Variants in CACNA1D observed in about 807,000 individuals in gnomAD.
The protein encoded by CACNA1D is calcium voltage-gated channel subunit alpha1 D, also known as voltage-dependent L-type calcium channel subunit alpha-1D.
In CACNA1D, 55 loss-of-function variants were observed where a neutral mutation model predicts 257.1. The observed-to-expected ratio is 0.21, with a 90% CI of 0.17 to 0.27. The LOEUF is 0.27. Ranked by LOEUF, CACNA1D falls within the 10% of genes least tolerant of loss-of-function variation. CACNA1D has a pLI of 1.00. For missense variants in CACNA1D, 1,876 were observed against 2,784.0 expected, an observed-to-expected ratio of 0.67 and a Z score of 7.34; for synonymous variants, 980 against 1,014.9, an observed-to-expected ratio of 0.97 and a Z score of 0.65.
chr3:53,764,826 G>A (rs555262069), intron 30 of CACNA1D, among the ~76,000 whole-genome samples: 13 of 152,180 alleles, frequency 8.5e-5, no homozygotes, highest in Non-Finnish European at 1.9e-4. Context: ...CTTTCAGGGG[G>A]CCCCTTCTTG....
intron 3 of CACNA1D, among the ~76,000 whole-genome samples, chr3:53,625,179 G>A (rs921948620): frequency 6.6e-6 from 1 of 152,106 alleles, no homozygotes; most frequent in Non-Finnish European, 1.5e-5. Flanking sequence ...ACTCACATCC[G>A]GGTCTTGAGG....
chr3:53,800,651 G>A lies in CACNA1D; in HGVS notation c.5040+286G>A. On this transcript the variant is annotated intron_variant, in intron 41 of 47. Coordinates refer to ENST00000350061, the MANE Select transcript of CACNA1D (RefSeq NM_001128840.3). The surrounding 1 kb of genome is among the most constrained non-coding windows in gnomAD (Gnocchi z 4.3). Reference sequence around the variant, plus strand: ...CTGGCCCTGTGGATGAGCATCCTGAGTCCTTCCGGCAGCTGCCTTTGCTAC... The same window carrying A: ...CTGGCCCTGTGGATGAGCATCCTGAATCCTTCCGGCAGCTGCCTTTGCTAC... 1.9e-6 allele frequency: 1 copy of A among 513,050 alleles called. No homozygotes were observed. The highest frequency in any genetic ancestry group is 3.7e-5 in the East Asian group (1 of 27,128). 31.8% of individuals were successfully genotyped at this position (513,050 alleles called of 1,614,324 possible).
intron 8 of CACNA1D, among the ~76,000 whole-genome samples, chr3:53,687,815 A>G (rs1352183661): frequency 6.6e-6 from 1 of 152,238 alleles, no homozygotes; most frequent in Non-Finnish European, 1.5e-5. Flanking sequence ...ACAAGAATGT[A>G]TATGAGTAGC....
chr3:53,702,830 C>T lies in CACNA1D; in HGVS notation c.1390+20C>T, dbSNP rs748906032. ...GAAATAGTATGTAGCGCCTTTCCTG[C>T]CCCTGGCTAGACAGACCCAGTGTGC... On this transcript the variant is annotated intron_variant, in intron 9 of 47. Coordinates refer to ENST00000350061, the MANE Select transcript of CACNA1D (RefSeq NM_001128840.3). The T allele has an allele frequency of 6.2e-7, 1 of 1,613,614 alleles. No homozygotes were observed. Among genetic ancestry groups the T allele is most frequent in the South Asian group, 1.1e-5 (1 of 91,022 alleles).
At chr3:53,516,449 G>A (rs1353945079) in intron 3 of CACNA1D, among the ~76,000 whole-genome samples, 2 of 152,342 alleles carry the variant, frequency 1.3e-5, no homozygotes, top group Admixed American at 6.5e-5. Flanking sequence ...TCAGCAAGGG[G>A]CTAGTTTCTA....
chr3:53,777,591 T>C (rs1294733391), intron 37 of CACNA1D, among the ~76,000 whole-genome samples: 1 of 150,404 alleles, frequency 6.6e-6, no homozygotes, highest in African/African-American at 2.5e-5. Context: ...GGAGGGGGAG[T>C]GCTAGGAGAG....
intron 46 of CACNA1D, 135 bp downstream of exon 46, chr3:53,808,905 T>C: frequency 1.1e-6 from 1 of 903,706 alleles, no homozygotes; most frequent in South Asian, 1.6e-5. Flanking sequence ...TAGTTAATCT[T>C]TGTAACAATC....
chr3:53,756,180 G>A (rs1427183299), intron 29 of CACNA1D, among the ~76,000 whole-genome samples: 2 of 152,204 alleles, frequency 1.3e-5, no homozygotes, highest in Admixed American at 6.5e-5. Flanking sequence ...TTACTGGTAG[G>A]TGAGAAGGCA....
At chr3:53,688,804 C>A (rs778694230) in intron 8 of CACNA1D, among the ~76,000 whole-genome samples, 2 of 152,188 alleles carry the variant, frequency 1.3e-5, no homozygotes, top group African/African-American at 2.4e-5. Flanking sequence ...TAAAATAAAT[C>A]TTGGTTTAAG....
intron 3 of CACNA1D, among the ~76,000 whole-genome samples, chr3:53,639,990 T>C (rs1171517041): frequency 6.6e-6 from 1 of 151,496 alleles, no homozygotes; most frequent in Admixed American, 6.6e-5. Context: ...GCCTCCCAAG[T>C]AGCTGGGATT....
chr3:53,708,440 A>G (rs2094714998), intron 9 of CACNA1D, among the ~76,000 whole-genome samples: 1 of 152,188 alleles, frequency 6.6e-6, no homozygotes, highest in Admixed American at 6.5e-5. Flanking sequence ...GGCTGGCCCT[A>G]GGGTCAGTGG....
Position 53,803,416 on chromosome 3 carries a change from A to C in CACNA1D, c.5436-7A>C, listed in dbSNP as rs1300093867. ...CCAGGTTCTCAGATCCTCTCTCCCA[A>C]CTGCAGGTCCGACTCAGGAGATGAA... On this transcript the variant is annotated splice_region_variant and splice_polypyrimidine_tract_variant and intron_variant, in intron 43 of 47. Coordinates refer to ENST00000350061, the MANE Select transcript of CACNA1D (RefSeq NM_001128840.3). 1 of 1,614,138 alleles carries C rather than the reference A, an allele frequency of 6.2e-7. No individual in the cohort carries two copies. The highest frequency in any genetic ancestry group is 1.6e-4 in the Middle Eastern group (1 of 6,062).
intron 11 of CACNA1D, 75 bp downstream of exon 11, chr3:53,719,856 G>A (rs936290485): frequency 1.5e-6 from 2 of 1,310,348 alleles, no homozygotes; most frequent in African/African-American, 2.9e-5. Context: ...ATTTTACGTA[G>A]TATTGCTCTG....
At chr3:53,627,333 T>C (rs2093770513) in intron 3 of CACNA1D, among the ~76,000 whole-genome samples, 1 of 152,124 alleles carries the variant, frequency 6.6e-6, no homozygotes, top group African/African-American at 2.4e-5. Context: ...TGCAGGAAGC[T>C]CATGGGTCTC....
intron 3 of CACNA1D, among the ~76,000 whole-genome samples, chr3:53,580,633 A>G (rs761715360): frequency 5.9e-5 from 9 of 152,222 alleles, no homozygotes; most frequent in Non-Finnish European, 1.0e-4. Context: ...GCATCCTCAT[A>G]ACCTCACTTG....
chr3:53,723,867 G>T lies in CACNA1D; in HGVS notation c.1968G>T (p.Leu656=), dbSNP rs1396889794. 1 of 1,614,156 alleles carries T rather than the reference G, an allele frequency of 6.2e-7. No homozygotes were observed. The highest frequency in any genetic ancestry group is 8.5e-7 in the Non-Finnish European group (1 of 1,180,016). Residue 656 remains leucine (L), a synonymous_variant, in exon 14 of 48, where the codon CTG becomes CTT. Coordinates refer to ENST00000350061, the MANE Select transcript of CACNA1D (RefSeq NM_001128840.3). This position sits in a 1 kb window ranked among gnomAD's most constrained non-coding sequence, Gnocchi z 5.6. ...SMKSIASLLL[L]LFLFIIIFSL... ...AGTCCATCGCTTCGCTGTTGCTTCT[G>T]CTTTTTCTCTTCATTATCATCTTTT...
chr3:53,678,327 C>T (rs763092138), intron 8 of CACNA1D, among the ~76,000 whole-genome samples: 1 of 152,006 alleles, frequency 6.6e-6, no homozygotes, highest in Admixed American at 6.6e-5. Context: ...TGTTGTTAGA[C>T]AATAAATATT....
intron 8 of CACNA1D, among the ~76,000 whole-genome samples, chr3:53,699,613 C>T (rs896123150): frequency 4.6e-5 from 7 of 152,220 alleles, no homozygotes; most frequent in Non-Finnish European, 8.8e-5. Flanking sequence ...TACCTCCCTG[C>T]CCCCTTCCTC....
chr3:53,678,741 C>T lies in CACNA1D; in HGVS notation c.1220+5615C>T, dbSNP rs9877708. 4.4e-3 allele frequency among the ~76,000 whole-genome samples: 667 copies of T among 151,948 alleles called. 2 individuals carry two copies. The highest frequency in any genetic ancestry group is 0.015 in the African/African-American group (633 of 41,424). The stretch of plus-strand genomic sequence containing the variant: ...TGAAGAGGGAAGGTGGTGCTGGTGC[C>T]GGTGTACTGTGGACTGACTATACCA... On this transcript the variant is annotated intron_variant, in intron 8 of 47. Transcript: ENST00000350061.
Sources: gnomAD v4.1 joint callset for allele counts (sites outside exome capture counted in the v4.1 genomes callset) on GRCh38, gnomAD v4.1.1 for gene constraint, Gnocchi (gnomAD v3.1) non-coding constraint, MANE v1.5 for transcripts, NCBI Gene and HGNC (gene_info 2026-07-23, HGNC 2026-07-21) for gene names.